DPP6: variants seen among roughly 807,000 people sequenced by gnomAD.
DPP6 encodes the protein dipeptidyl peptidase like 6.
Under a neutral mutation model 122.6 loss-of-function variants are expected in DPP6, and 69 were observed. The observed-to-expected ratio is 0.56, with a 90% confidence interval of 0.46 to 0.69. The LOEUF is 0.69. Among genes scored for constraint, DPP6 ranks in the 30% least tolerant of loss-of-function variants. DPP6 has a pLI of 0.00. For missense variants in DPP6, 928 were observed against 1,116.9 expected (o/e 0.83, Z 2.41); for synonymous variants, 418 against 433.1 (o/e 0.97, Z 0.43).
chr7:153,813,314 A>G, the DPP6 span, among the ~76,000 whole-genome samples: 2 of 151,978 alleles, frequency 1.3e-5, no homozygotes, highest in South Asian at 2.1e-4. Flanking sequence ...ACTGAGAATG[A>G]TGATTTCCAA....
intron 8 of DPP6, among the ~76,000 whole-genome samples, chr7:154,758,522 C>T (rs1189459721): frequency 6.6e-6 from 1 of 152,028 alleles, no homozygotes; most frequent in Non-Finnish European, 1.5e-5. Flanking sequence ...CAGGCATGCA[C>T]CGCCACGTCC....
At chr7:153,954,245 G>A (rs1268859682) in intron 1 of DPP6, among the ~76,000 whole-genome samples, 1 of 152,180 alleles carries the variant, frequency 6.6e-6, no homozygotes, top group Non-Finnish European at 1.5e-5. Flanking sequence ...TATGATGTGT[G>A]TTTCTTTGGA....
At chr7:154,629,874 C>A (rs1835302733) in intron 5 of DPP6, among the ~76,000 whole-genome samples, 1 of 152,200 alleles carries the variant, frequency 6.6e-6, no homozygotes, top group Non-Finnish European at 1.5e-5. Flanking sequence ...TCATTGAAGG[C>A]AGCTGCAACT....
intron 1 of DPP6, among the ~76,000 whole-genome samples, chr7:154,301,783 C>T (rs974089650): frequency 6.8e-5 from 10 of 146,434 alleles, no homozygotes; most frequent in East Asian, 6.0e-4. Context: ...CAAGATCTGC[C>T]CTCTTTTTTT....
At chr7:154,684,336 C>G (rs972117955) in intron 7 of DPP6, among the ~76,000 whole-genome samples, 1 of 152,194 alleles carries the variant, frequency 6.6e-6, no homozygotes, top group Admixed American at 6.5e-5. Context: ...CCAGCCAAAT[C>G]CAAGCTCCTT....
chr7:153,957,962 A>G (rs1795142669), intron 1 of DPP6, among the ~76,000 whole-genome samples: 2 of 152,124 alleles, frequency 1.3e-5, no homozygotes, highest in African/African-American at 4.8e-5. Context: ...TCAGGAGCTC[A>G]AGACCAGCCT....
At chr7:154,867,482 G>C (rs1803985414) in intron 17 of DPP6, among the ~76,000 whole-genome samples, 1 of 152,222 alleles carries the variant, frequency 6.6e-6, no homozygotes, top group Admixed American at 6.5e-5. Context: ...AGTCACCGAA[G>C]TTAAGGTCTC....
intron 1 of DPP6, among the ~76,000 whole-genome samples, chr7:154,140,768 A>G (rs192314752): frequency 6.6e-6 from 1 of 152,358 alleles, no homozygotes; most frequent in East Asian, 1.9e-4. Flanking sequence ...TAATAATAAC[A>G]CAGTGATTAA....
At chr7:154,117,464 T>C (rs1807075016) in intron 1 of DPP6, among the ~76,000 whole-genome samples, 1 of 152,170 alleles carries the variant, frequency 6.6e-6, no homozygotes, top group Non-Finnish European at 1.5e-5. Context: ...TGGACTAGAG[T>C]AGCACAGATG....
At chr7:154,268,062 AG>A (rs1194238698) in intron 1 of DPP6, among the ~76,000 whole-genome samples, 1 of 152,106 alleles carries the variant, frequency 6.6e-6, no homozygotes, top group Non-Finnish European at 1.5e-5. Flanking sequence ...AAAGGTGCAA[AG>A]GGTTTCTGAG....
chr7:154,017,708 TA>T (rs945886454), intron 1 of DPP6, among the ~76,000 whole-genome samples: 12 of 52,956 alleles, frequency 2.3e-4, no homozygotes, highest in East Asian at 8.8e-4. Flanking sequence ...CTAAAAAAAA[TA>T]AAAAAAAAAT....
chr7:154,335,541 G>A (rs1479237708), intron 1 of DPP6, among the ~76,000 whole-genome samples: 2 of 152,210 alleles, frequency 1.3e-5, no homozygotes, highest in African/African-American at 4.8e-5. Flanking sequence ...CCTGGTGGGA[G>A]ATGTTTCACA....
Position 154,741,026 on chromosome 7 carries a change from G to A in DPP6, c.883+13139G>A, listed in dbSNP as rs146724303. Among the ~76,000 whole-genome samples, 725 of 152,242 alleles carry A rather than the reference G, an allele frequency of 4.8e-3. 6 individuals carry two copies. Among genetic ancestry groups the A allele is most frequent in the Non-Finnish European group, 8.0e-3 (547 of 68,024 alleles). On this transcript the variant is annotated intron_variant, in intron 8 of 25. Transcript: ENST00000377770. ...GAATGCAAAGATAGCTCACCTCCAC[G>A]TCAGAGCTCCCTGCACTTGCAGGCG...
At chr7:154,643,837 G>C (rs1836271698) in intron 6 of DPP6, among the ~76,000 whole-genome samples, 1 of 152,168 alleles carries the variant, frequency 6.6e-6, no homozygotes, top group Non-Finnish European at 1.5e-5. Context: ...AAGGAAGTTT[G>C]ACTTGAAGTG....
chr7:154,841,939 C>A (rs538431892), intron 16 of DPP6, among the ~76,000 whole-genome samples: 2 of 152,076 alleles, frequency 1.3e-5, no homozygotes, highest in Admixed American at 6.5e-5. Flanking sequence ...CCAAATCAAA[C>A]GGCAACAAAA....
At chr7:153,924,148 GCT>G (rs1156955537) in intron 1 of DPP6, among the ~76,000 whole-genome samples, 1 of 150,430 alleles carries the variant, frequency 6.6e-6, no homozygotes, top group Non-Finnish European at 1.5e-5. Flanking sequence ...ACGGAGTCTT[GCT>G]CTGTCACCAG....
intron 7 of DPP6, among the ~76,000 whole-genome samples, chr7:154,691,033 G>T (rs930138516): frequency 1.2e-4 from 19 of 152,054 alleles, no homozygotes; most frequent in Non-Finnish European, 2.4e-4. Flanking sequence ...AGGCGGAAAA[G>T]GTTTCCCTCT....
chr7:154,401,702 C>T (rs891048108), intron 1 of DPP6, among the ~76,000 whole-genome samples: 7 of 152,164 alleles, frequency 4.6e-5, no homozygotes, highest in Admixed American at 6.5e-5. Context: ...GACTTCATGT[C>T]TAAAACACCA....
intron 21 of DPP6, chr7:154,883,950 T>A (rs62649269): frequency 1.9e-4 from 23 of 119,076 alleles, no homozygotes; most frequent in Admixed American, 4.3e-4. Context: ...ACATACACGC[T>A]GACACATGCT....
Sources: allele counts gnomAD v4.1 joint callset (sites outside exome capture counted in the v4.1 genomes callset), GRCh38; gene constraint gnomAD v4.1.1; transcripts MANE v1.5; gene names NCBI Gene and HGNC (gene_info 2026-07-23, HGNC 2026-07-21).